Variants in RAPGEF2 observed in about 807,000 individuals in gnomAD.
The protein encoded by RAPGEF2 is PDZ domain containing guanine nucleotide exchange factor (GEF) 1.
Under a neutral mutation model 186.7 loss-of-function variants are expected in RAPGEF2, and 54 were observed. The observed-to-expected ratio is 0.29, with a 90% CI of 0.23 to 0.36. The LOEUF is 0.36. Among genes scored for constraint, RAPGEF2 ranks in the 10% least tolerant of loss-of-function variants. The pLI is 1.00. For missense variants in RAPGEF2, 1,532 were observed against 2,045.0 expected (o/e 0.75, Z 4.84); for synonymous variants, 712 against 705.9 (o/e 1.01, Z -0.14).
At chr4:159,114,474 C>T (rs896562066) in intron 1 of RAPGEF2, among the ~76,000 whole-genome samples, 8 of 151,962 alleles carry the variant, frequency 5.3e-5, no homozygotes, top group South Asian at 2.1e-4. Flanking sequence ...TGGGCTCAAG[C>T]GATCTTCTCC....
chr4:159,320,281 C>T (rs1765083348), intron 9 of RAPGEF2, among the ~76,000 whole-genome samples: 1 of 152,092 alleles, frequency 6.6e-6, no homozygotes, highest in Non-Finnish European at 1.5e-5. Flanking sequence ...ATGATTCCTG[C>T]CTCCCATATA....
chr4:159,129,658 A>G (rs1354778958), intron 1 of RAPGEF2, among the ~76,000 whole-genome samples: 1 of 152,188 alleles, frequency 6.6e-6, no homozygotes, highest in Non-Finnish European at 1.5e-5. Context: ...CTCCCCCTAT[A>G]ATAAGAGCAG....
intron 1 of RAPGEF2, among the ~76,000 whole-genome samples, chr4:159,126,522 TC>T (rs1740314534): frequency 6.8e-6 from 1 of 146,552 alleles, no homozygotes; most frequent in Non-Finnish European, 1.5e-5. Context: ...CTATCTCCTG[TC>T]CAGGTTTTAA....
At chr4:159,311,478 G>C (rs1185577174) in intron 8 of RAPGEF2, among the ~76,000 whole-genome samples, 4 of 152,256 alleles carry the variant, frequency 2.6e-5, no homozygotes, top group South Asian at 4.2e-4. Context: ...TCCCCTTGAG[G>C]AAGGGACTTT....
intron 1 of RAPGEF2, among the ~76,000 whole-genome samples, chr4:159,129,216 A>G (rs1740728787): frequency 6.6e-6 from 1 of 152,090 alleles, no homozygotes. Flanking sequence ...TTGCTTTCAT[A>G]TTATAAATGC....
chr4:159,105,609 ATCCCAACAAGGAATG>A (rs1243006396), intron 1 of RAPGEF2, among the ~76,000 whole-genome samples: 6 of 152,220 alleles, frequency 3.9e-5, no homozygotes, highest in Admixed American at 6.5e-5. Flanking sequence ...GACTATTTTT[ATCCCAACAAGGAATG>A]TCCTGCATTG....
chr4:159,120,208 C>G (rs1739504863), intron 1 of RAPGEF2, among the ~76,000 whole-genome samples: 1 of 152,104 alleles, frequency 6.6e-6, no homozygotes, highest in South Asian at 2.1e-4. Context: ...TTAGTAGAGA[C>G]AGGGTTTCGC....
At chr4:159,308,942 G>A (rs1763629223) in intron 8 of RAPGEF2, among the ~76,000 whole-genome samples, 1 of 152,002 alleles carries the variant, frequency 6.6e-6, no homozygotes, top group South Asian at 2.1e-4. Flanking sequence ...GAGAGTAGGA[G>A]AACAAATTGA....
At chr4:159,150,662 G>A (rs924326177) in intron 1 of RAPGEF2, among the ~76,000 whole-genome samples, 6 of 152,338 alleles carry the variant, frequency 3.9e-5, no homozygotes, top group Admixed American at 6.5e-5. Context: ...AAATGTGTTT[G>A]TTGGACAAAC....
intron 1 of RAPGEF2, among the ~76,000 whole-genome samples, chr4:159,147,667 G>C (rs1281215789): frequency 6.6e-6 from 1 of 152,214 alleles, no homozygotes; most frequent in Non-Finnish European, 1.5e-5. Flanking sequence ...TTACAAAACA[G>C]AATGCATACT....
At chr4:159,223,828 T>G (rs1751765644) in intron 4 of RAPGEF2, among the ~76,000 whole-genome samples, 1 of 152,198 alleles carries the variant, frequency 6.6e-6, no homozygotes. Flanking sequence ...CTTACATAAT[T>G]TTGGGAACAC....
intron 1 of RAPGEF2, among the ~76,000 whole-genome samples, chr4:159,158,177 A>G (rs1395287597): frequency 1.3e-5 from 2 of 152,190 alleles, no homozygotes; most frequent in Non-Finnish European, 2.9e-5. Flanking sequence ...GCCAAAAGTA[A>G]AAAGAGGCAA....
Position 159,221,774 on chromosome 4 carries a change from T to A in RAPGEF2, c.281+11191T>A, listed in dbSNP as rs1282515427. On this transcript the variant is annotated intron_variant, in intron 4 of 29. Coordinates refer to ENST00000691494, the MANE Select transcript of RAPGEF2 (RefSeq NM_001394067.2). ...TCCTACTGAAAGTTGACTCAAGTCC[T>A]GGTATTCCTGTGACATATATAAGGC... Among the ~76,000 whole-genome samples the A allele has an allele frequency of 3.3e-5, 5 of 152,314 alleles. No individual in the cohort carries two copies. The South Asian group carries it at 8.3e-4, about 25-fold the overall frequency.
At chr4:159,137,101 T>C (rs1332976805) in intron 1 of RAPGEF2, among the ~76,000 whole-genome samples, 1 of 152,238 alleles carries the variant, frequency 6.6e-6, no homozygotes, top group Non-Finnish European at 1.5e-5. Context: ...TAAATTCATT[T>C]GATTACATTT....
rs1561075791 is a variant in RAPGEF2 at position 159,198,434 on chromosome 4, T to TC, written c.197+5178_197+5179insC. 5.7e-5 allele frequency among the ~76,000 whole-genome samples: 4 copies of TC among 70,132 alleles called. 1 individual carries two copies. The highest frequency in any genetic ancestry group is 1.8e-4 in the African/African-American group (4 of 22,566). 46.0% of individuals were successfully genotyped at this position (70,132 alleles called of 152,430 possible). ...TCTTCCTCTCTCTCTCTCTCTCTCT[T>TC]TCTTTCTTTCTTCTTACTGTTTTTT... On this transcript the variant is annotated intron_variant, in intron 3 of 29. Transcript: ENST00000691494.
At position 159,191,013 on chromosome 4, in the gene RAPGEF2, A is replaced by T. The variant is rs535147270; in HGVS notation, c.141-2187A>T. Among the ~76,000 whole-genome samples the T allele has an allele frequency of 2.6e-5, 4 of 152,342 alleles. No individual in the cohort carries two copies. The East Asian group carries it at 7.7e-4, about 29-fold the overall frequency. The stretch of plus-strand genomic sequence containing the variant: ...AAGTGGCAGCACTGAGTAGGCATTT[A>T]AATGAGTGGCTGCCGTGATGAGAGA... On this transcript the variant is annotated intron_variant, in intron 2 of 29. Transcript: ENST00000691494.
At chr4:159,269,326 A>G (rs1321032313) in intron 7 of RAPGEF2, among the ~76,000 whole-genome samples, 3 of 152,138 alleles carry the variant, frequency 2.0e-5, no homozygotes, top group Non-Finnish European at 4.4e-5. Context: ...CGCTTAAGGC[A>G]GCGGCTGTGT....
intron 16 of RAPGEF2, 46 bp from the exon 17 acceptor site, chr4:159,332,405 T>C (rs1486791803): frequency 1.3e-6 from 2 of 1,566,106 alleles, no homozygotes; most frequent in East Asian, 2.2e-5. Flanking sequence ...TGTTCAGATA[T>C]CTTATAATTG....
chr4:159,114,226 C>G, intron 1 of RAPGEF2, among the ~76,000 whole-genome samples: 1 of 151,882 alleles, frequency 6.6e-6, no homozygotes, highest in Non-Finnish European at 1.5e-5. Context: ...GCCTCAGCCT[C>G]CTAAGTAGCT....
Sources: gnomAD v4.1 joint callset for allele counts (sites outside exome capture counted in the v4.1 genomes callset) on GRCh38, gnomAD v4.1.1 for gene constraint, MANE v1.5 for transcripts, NCBI Gene and HGNC (gene_info 2026-07-23, HGNC 2026-07-21) for gene names.